Variants in DNAH11 observed in about 807,000 individuals in gnomAD.
The protein encoded by DNAH11 is axonemal beta dynein heavy chain 11.
DNAH11 carries 442 observed loss-of-function variants against 526.0 expected under a neutral mutation model. The observed-to-expected ratio is 0.84, with a 90% CI of 0.78 to 0.91. The LOEUF is 0.91. DNAH11 is among the 40% of genes least tolerant of loss of function. The pLI, the probability that DNAH11 is intolerant of heterozygous loss-of-function variation, is 0.00. For missense variants in DNAH11, 6,989 were observed against 5,448.7 expected (o/e 1.28, Z -8.90); for synonymous variants, 2,461 against 1,935.9 (o/e 1.27, Z -7.12).
intron 63 of DNAH11, among the ~76,000 whole-genome samples, chr7:21,815,695 G>A (rs978400240): frequency 2.6e-5 from 4 of 152,190 alleles, no homozygotes; most frequent in South Asian, 4.1e-4. Flanking sequence ...TTTCATGTAC[G>A]TAGAAAATGC....
intron 25 of DNAH11, 82 bp downstream of exon 25, chr7:21,620,160 T>G: frequency 8.8e-7 from 1 of 1,140,474 alleles, no homozygotes; most frequent in Non-Finnish European, 1.2e-6. Flanking sequence ...TACCATGTGA[T>G]GTTTTGATGT....
At chr7:21,559,875 A>G (rs1467671782) in intron 4 of DNAH11, 83 bp downstream of exon 4, 3 of 1,186,434 alleles carry the variant, frequency 2.5e-6, no homozygotes, top group Non-Finnish European at 3.6e-6. Flanking sequence ...AAGATTTAAC[A>G]CACTGTCTTT....
At chr7:21,847,288 T>A (rs1583767043) in intron 66 of DNAH11, among the ~76,000 whole-genome samples, 1 of 152,314 alleles carries the variant, frequency 6.6e-6, no homozygotes, top group South Asian at 2.1e-4. Flanking sequence ...TACCTTTAGG[T>A]TTTCTTCTCT....
At position 21,894,893 on chromosome 7, in the gene DNAH11, G is replaced by C; in HGVS notation, c.12943G>C (p.Ala4315Pro). The change falls in exon 79 of 82, where the codon GCA becomes CCA. Residue 4315 changes from alanine (A) to proline (P), a missense_variant. Ala to Pro is a conservative substitution (Grantham distance 27). Coordinates refer to ENST00000409508, the MANE Select transcript of DNAH11 (RefSeq NM_001277115.2). ...QLDLSLKGEL[A>P]LSPAVEAQQF... is the part of the protein sequence containing the mutation. ...TTTTTCTCCATGCAAGGGGGAATTG[G>C]CATTATCTCCTGCTGTGGAAGCCCA... The C allele has an allele frequency of 6.2e-7, 1 of 1,613,920 alleles. No individual in the cohort carries two copies. Among genetic ancestry groups the C allele is most frequent in the Non-Finnish European group, 8.5e-7 (1 of 1,179,862 alleles).
intron 28 of DNAH11, among the ~76,000 whole-genome samples, chr7:21,647,855 A>G (rs181339600): frequency 6.6e-6 from 1 of 152,330 alleles, no homozygotes; most frequent in East Asian, 1.9e-4. Flanking sequence ...AACACATTCA[A>G]AAACTCTTAA....
rs530782803 is a variant in DNAH11 at position 21,867,830 on chromosome 7, T to C, written c.11691-29T>C. 88 of 1,492,852 alleles carry C rather than the reference T, an allele frequency of 5.9e-5. No individual in the cohort carries two copies. In the African/African-American group the frequency reaches 1.2e-3, roughly 21 times the overall value. 92.5% of individuals were successfully genotyped at this position (1,492,852 alleles called of 1,614,324 possible). A position where few individuals can be genotyped will look rare whatever the true frequency, so the allele number is the denominator to read the frequency against. On this transcript the variant is annotated intron_variant, in intron 71 of 81. Transcript: ENST00000409508. The stretch of plus-strand genomic sequence containing the variant: ...CTCTTTTCAAGGTCAAAACCACTGA[T>C]CATGTTTTTATATTCTTGTTTTTTA...
rs1462449145 is a variant in DNAH11 at position 21,581,902 on chromosome 7, C to G, written c.1594-3C>G. ...TACTAATATTTCACTTTGAATTTTACAGGAGTTTGAAAGTGATTATGTGGC... is the reference window on the plus strand; with the variant it reads ...TACTAATATTTCACTTTGAATTTTAGAGGAGTTTGAAAGTGATTATGTGGC... On this transcript the variant is annotated splice_region_variant and splice_polypyrimidine_tract_variant and intron_variant, in intron 8 of 81. Coordinates refer to ENST00000409508, the MANE Select transcript of DNAH11 (RefSeq NM_001277115.2). The G allele has an allele frequency of 1.3e-6, 2 of 1,568,544 alleles. No homozygotes were observed. The highest frequency in any genetic ancestry group is 1.7e-6 in the Non-Finnish European group (2 of 1,144,242).
intron 2 of DNAH11, among the ~76,000 whole-genome samples, chr7:21,546,783 TCTC>T (rs1172117710): frequency 6.6e-6 from 1 of 152,218 alleles, no homozygotes; most frequent in Admixed American, 6.5e-5. Flanking sequence ...ATTTGGTTCT[TCTC>T]AGTCAATATC....
chr7:21,869,018 C>T, intron 73 of DNAH11, 27 bp downstream of exon 73: 1 of 1,613,298 alleles, frequency 6.2e-7, no homozygotes. Context: ...AGGGAAGACA[C>T]TGGGCATAAA....
chr7:21,794,972 TC>T (rs1331891764), intron 61 of DNAH11, among the ~76,000 whole-genome samples: 1 of 152,114 alleles, frequency 6.6e-6, no homozygotes, highest in Non-Finnish European at 1.5e-5. Flanking sequence ...CTTCTGCTGC[TC>T]AGAGTTTTTT....
chr7:21,784,317 TAC>T, intron 57 of DNAH11, 108 bp from the exon 58 acceptor site: 2 of 832,276 alleles, frequency 2.4e-6, no homozygotes, highest in East Asian at 5.3e-5. Flanking sequence ...CTGTTCAAAG[TAC>T]AGAGAAATGA....
chr7:21,725,693 T>C, intron 44 of DNAH11, 118 bp from the exon 45 acceptor site: 1 of 956,996 alleles, frequency 1.0e-6, no homozygotes, highest in Non-Finnish European at 1.5e-6. Flanking sequence ...TTGTGCTTGA[T>C]GGGTATATGG....
At chr7:21,656,230 G>A (rs542829827) in intron 29 of DNAH11, among the ~76,000 whole-genome samples, 15 of 152,198 alleles carry the variant, frequency 9.9e-5, no homozygotes, top group Non-Finnish European at 1.8e-4. Flanking sequence ...CTAGACAGAA[G>A]CAACTGTCAC....
intron 25 of DNAH11, among the ~76,000 whole-genome samples, chr7:21,622,173 T>C (rs539266932): frequency 1.8e-3 from 280 of 152,082 alleles, no homozygotes; most frequent in African/African-American, 5.0e-3. Flanking sequence ...TATACACCAA[T>C]AACAGACAAA....
At chr7:21,578,163 A>T (rs2128439636) in intron 8 of DNAH11, among the ~76,000 whole-genome samples, 1 of 152,330 alleles carries the variant, frequency 6.6e-6, no homozygotes, top group Middle Eastern at 3.4e-3. Flanking sequence ...CACTGTCATG[A>T]GAACAACAAA....
At chr7:21,682,178 G>A (rs1187859092) in intron 31 of DNAH11, among the ~76,000 whole-genome samples, 1 of 152,116 alleles carries the variant, frequency 6.6e-6, no homozygotes, top group Non-Finnish European at 1.5e-5. Flanking sequence ...TTATTGTCTT[G>A]TAAGAAGTTA....
chr7:21,545,323 C>T (rs796066288), intron 2 of DNAH11, among the ~76,000 whole-genome samples, 174 bp downstream of exon 2: 9 of 141,488 alleles, frequency 6.4e-5, no homozygotes, highest in African/African-American at 2.4e-4. Flanking sequence ...AGTCTCTAGC[C>T]AGGTGGATGG....
intron 79 of DNAH11, among the ~76,000 whole-genome samples, chr7:21,897,994 T>TA (rs1384312243): frequency 1.3e-5 from 2 of 152,206 alleles, no homozygotes; most frequent in Non-Finnish European, 2.9e-5. Flanking sequence ...TATTCTCCCT[T>TA]ACGCTGTTTC....
intron 14 of DNAH11, among the ~76,000 whole-genome samples, chr7:21,592,125 C>G (rs574322981): frequency 6.6e-6 from 1 of 152,140 alleles, no homozygotes; most frequent in African/African-American, 2.4e-5. Context: ...ACACAATGCT[C>G]CCCTGCCAAC....
Sources: allele counts gnomAD v4.1 joint callset (sites outside exome capture counted in the v4.1 genomes callset), GRCh38; gene constraint gnomAD v4.1.1; transcripts MANE v1.5; gene names NCBI Gene and HGNC (gene_info 2026-07-23, HGNC 2026-07-21).